EMID1: variants seen among roughly 807,000 people sequenced by gnomAD.
EMID1 encodes the protein EMI domain containing 1, also known as EMI domain-containing protein 1.
EMID1 carries 40 observed loss-of-function variants against 60.6 expected under a neutral mutation model. The observed-to-expected ratio is 0.66, with a 90% confidence interval of 0.51 to 0.86. The LOEUF is 0.86. Ranked by LOEUF, EMID1 falls within the 40% of genes least tolerant of loss-of-function variation. EMID1 has a pLI of 0.00. For synonymous variants in EMID1, 242 were observed against 231.0 expected, an observed-to-expected ratio of 1.05 and a Z score of -0.43; for missense variants, 585 against 597.1, an observed-to-expected ratio of 0.98 and a Z score of 0.21.
intron 1 of EMID1, among the ~76,000 whole-genome samples, chr22:29,208,335 G>A (rs2039756380): frequency 6.6e-6 from 1 of 152,190 alleles, no homozygotes; most frequent in East Asian, 1.9e-4. Flanking sequence ...CCTTGCCCCA[G>A]GAAGGTGGTG....
chr22:29,216,684 G>A (rs975760647), intron 3 of EMID1: 7 of 982,588 alleles, frequency 7.1e-6, no homozygotes, highest in African/African-American at 3.5e-5. Flanking sequence ...ACCCTCAACA[G>A]CCCAGTTCAC....
At chr22:29,250,234 C>A (rs1372472483) in intron 13 of EMID1, among the ~76,000 whole-genome samples, 1 of 152,186 alleles carries the variant, frequency 6.6e-6, no homozygotes, top group African/African-American at 2.4e-5. Context: ...CCAGCCTGGG[C>A]AACAGAGCAA....
chr22:29,255,520 G>C (rs1026710975), intron 14 of EMID1: 5 of 541,090 alleles, frequency 9.2e-6, no homozygotes, highest in African/African-American at 7.6e-5. Context: ...CAGAGAGAAG[G>C]CTCTGGTCAC....
At position 29,215,644 on chromosome 22, in the gene EMID1, GC is replaced by G. The variant is rs762013035; in HGVS notation, c.319+16del. ...GCTGCGAGGAAGGTAGGACTGCCCG[GC>G]CGGCTCCCGGAGCCCTGCGACAGCA... On this transcript the variant is annotated intron_variant, in intron 3 of 14. Transcript: ENST00000334018. 55 of 1,611,234 alleles carry G rather than the reference GC, an allele frequency of 3.4e-5. No homozygotes were observed. In the South Asian group the frequency reaches 5.7e-4, roughly 17 times the overall value.
rs59941266 is a variant in EMID1, at chr22:29,226,178, C to T, written c.404-312C>T. Among the ~76,000 whole-genome samples, 1,498 of 152,344 alleles carry T rather than the reference C, an allele frequency of 9.8e-3. 32 individuals carry two copies. Among genetic ancestry groups the T allele is most frequent in the African/African-American group, 0.035 (1,452 of 41,594 alleles). On this transcript the variant is annotated intron_variant, in intron 4 of 14. Transcript: ENST00000334018. ...AGTCCTCAGCCTCATCCATGGCCCC[C>T]GCCCCATTGCCATTTCTTGGCTTCT...
chr22:29,226,542 G>T lies in EMID1; in HGVS notation c.456G>T (p.Leu152=). 1 of 1,612,098 alleles carries T rather than the reference G, an allele frequency of 6.2e-7. No homozygotes were observed. ...VSELTERLKV[L]EAKMTMLTVI... is the part of the protein sequence containing the mutation. ...AGCTGACAGAGCGGCTGAAGGTGCT[G>T]GAGGCCAAGGTGGGTGAGCAGCTCC... Residue 152 remains leucine, a synonymous_variant, in exon 5 of 15, where the codon CTG becomes CTT. Coordinates refer to ENST00000334018, the MANE Select transcript of EMID1 (RefSeq NM_133455.4).
intron 5 of EMID1, among the ~76,000 whole-genome samples, chr22:29,228,800 T>G (rs2040623947): frequency 1.3e-5 from 2 of 152,130 alleles, no homozygotes; most frequent in Non-Finnish European, 2.9e-5. Context: ...CTTGCTATGT[T>G]TCCTAAACTG....
At chr22:29,219,100 G>A (rs2040194194) in intron 3 of EMID1, among the ~76,000 whole-genome samples, 1 of 152,224 alleles carries the variant, frequency 6.6e-6, no homozygotes, top group Non-Finnish European at 1.5e-5. Context: ...GGCTCAGAGA[G>A]GGGAATGCCT....
At chr22:29,258,572 C>G (rs1309395091) in intron 14 of EMID1, among the ~76,000 whole-genome samples, 1 of 152,170 alleles carries the variant, frequency 6.6e-6, no homozygotes, top group Admixed American at 6.5e-5. Context: ...TGTGGTTATC[C>G]CCACCTGACA....
At chr22:29,252,232 G>A (rs943241165) in intron 13 of EMID1, among the ~76,000 whole-genome samples, 5 of 152,190 alleles carry the variant, frequency 3.3e-5, no homozygotes, top group African/African-American at 4.8e-5. Context: ...AGGGTCACCC[G>A]ATCCATGTGA....
chr22:29,258,732 C>G, intron 14 of EMID1, 85 bp from the exon 15 acceptor site: 1 of 1,540,772 alleles, frequency 6.5e-7, no homozygotes, highest in East Asian at 2.3e-5. Context: ...GTGCCCGGTT[C>G]TGCCACCCCC....
intron 3 of EMID1, among the ~76,000 whole-genome samples, chr22:29,219,469 G>T (rs753865625): frequency 3.9e-5 from 6 of 152,090 alleles, no homozygotes; most frequent in Non-Finnish European, 8.8e-5. Flanking sequence ...ACACTTGCCC[G>T]AGGTCGACCA....
chr22:29,214,485 T>G (rs1306273099), intron 1 of EMID1, among the ~76,000 whole-genome samples: 1 of 151,972 alleles, frequency 6.6e-6, no homozygotes, highest in Non-Finnish European at 1.5e-5. Context: ...AAGGCAAGGA[T>G]GTAGGCAGGT....
intron 8 of EMID1, chr22:29,233,085 T>C: frequency 2.2e-6 from 1 of 452,346 alleles, no homozygotes; most frequent in Non-Finnish European, 4.0e-6. Flanking sequence ...AAATGGTATC[T>C]TTTATTGTCA....
At chr22:29,255,219 C>G in intron 14 of EMID1, 1 of 1,224,596 alleles carries the variant, frequency 8.2e-7, no homozygotes, top group Non-Finnish European at 1.1e-6. Flanking sequence ...CTCCCCAGCC[C>G]AGCCCTCGGA....
chr22:29,232,082 G>A (rs952400036), intron 7 of EMID1, 174 bp from the exon 8 acceptor site: 10 of 664,522 alleles, frequency 1.5e-5, no homozygotes, highest in Non-Finnish European at 2.1e-5. Flanking sequence ...TGGACGAGGT[G>A]GAGAACTAGG....
intron 3 of EMID1, among the ~76,000 whole-genome samples, chr22:29,218,166 C>T (rs2040154752): frequency 6.6e-6 from 1 of 152,250 alleles, no homozygotes; most frequent in African/African-American, 2.4e-5. Flanking sequence ...ATCCTGCTCC[C>T]CCACCGCCTA....
intron 1 of EMID1, among the ~76,000 whole-genome samples, chr22:29,211,281 T>C (rs2039871150): frequency 6.6e-6 from 1 of 152,230 alleles, no homozygotes; most frequent in African/African-American, 2.4e-5. Context: ...TGGACTTGTG[T>C]GCAGGGAGGA....
chr22:29,211,636 G>A (rs1336568060), intron 1 of EMID1, among the ~76,000 whole-genome samples: 1 of 152,246 alleles, frequency 6.6e-6, no homozygotes, highest in Non-Finnish European at 1.5e-5. Context: ...CTGTGTGCCT[G>A]TGTGTGCATG....
Sources: gnomAD v4.1 joint callset for allele counts (sites outside exome capture counted in the v4.1 genomes callset) on GRCh38, gnomAD v4.1.1 for gene constraint, MANE v1.5 for transcripts, NCBI Gene and HGNC (gene_info 2026-07-23, HGNC 2026-07-21) for gene names.